FBXO32: variants seen among roughly 807,000 people sequenced by gnomAD.
The protein encoded by FBXO32 is F-box only protein 32.
In FBXO32, 15 loss-of-function variants were observed where a neutral mutation model predicts 48.3. The ratio of observed to expected loss-of-function variants is 0.31; its 90% CI spans 0.21 to 0.48. The LOEUF (loss-of-function observed/expected upper bound fraction) is 0.48, where lower values mean the gene tolerates loss of function less well. Among genes scored for constraint, FBXO32 ranks in the 20% least tolerant of loss-of-function variants. The pLI, the probability that FBXO32 is intolerant of heterozygous loss-of-function variation, is 0.99. For synonymous variants in FBXO32, 154 were observed against 165.9 expected (o/e 0.93, Z 0.55); for missense variants, 309 against 432.7 (o/e 0.71, Z 2.54).
chr8:123,536,519 A>C (rs1817312824), intron 1 of FBXO32, among the ~76,000 whole-genome samples: 1 of 152,222 alleles, frequency 6.6e-6, no homozygotes, highest in South Asian at 2.1e-4. Context: ...ATCAACGTTG[A>C]GAAAAACAGC....
Position 123,506,530 on chromosome 8 carries a change from T to C in FBXO32, c.696A>G (p.Leu232=). The C allele has an allele frequency of 1.2e-6, 2 of 1,611,464 alleles. No individual in the cohort carries two copies. Among genetic ancestry groups the C allele is most frequent in the Non-Finnish European group, 1.7e-6 (2 of 1,178,140 alleles). Residue 232 remains leucine (L), a synonymous_variant, in exon 7 of 9, where the codon CTA becomes CTG. Transcript: ENST00000517956. This position sits in a 1 kb window ranked among gnomAD's most constrained non-coding sequence, Gnocchi z 4.0. ...GLTFTDLPLC[L]QLNIMQRLSD... is the part of the protein sequence containing the mutation. ...TCAGCCTCTGCATGATGTTCAGTTGTAGGCACAAAGGCAGGTCAGTGAAGG... is the reference window on the plus strand; with the variant it reads ...TCAGCCTCTGCATGATGTTCAGTTGCAGGCACAAAGGCAGGTCAGTGAAGG...
chr8:123,505,184 C>T (rs1168853361), intron 7 of FBXO32, among the ~76,000 whole-genome samples: 1 of 152,162 alleles, frequency 6.6e-6, no homozygotes, highest in African/African-American at 2.4e-5. Flanking sequence ...ACTTGTTGAA[C>T]TCACACATCC....
At position 123,540,914 on chromosome 8, in the gene FBXO32, A is replaced by G. The variant is rs375549993; in HGVS notation, c.101T>C (p.Val34Ala). ...GTCCCCTCACCTGCTGAGGTCGCTC[A>G]CGAAACTGCCGCTCTTCTCATCCAG... is the stretch of plus-strand genomic sequence containing the variant. The part of the protein sequence containing the change: ...RFLDEKSGSF[V>A]SDLSSYCNKE... The change falls in exon 1 of 9, where the codon GTG becomes GCG. Residue 34 changes from valine (V) to alanine (A), a missense_variant. Transcript: ENST00000517956. This position sits in a 1 kb window ranked among gnomAD's most constrained non-coding sequence, Gnocchi z 6.4. The G allele has an allele frequency of 1.1e-5, 17 of 1,613,236 alleles. No homozygotes were observed. The highest frequency in any genetic ancestry group is 1.4e-5 in the Non-Finnish European group (17 of 1,179,654).
At chr8:123,536,964 C>T (rs1246266727) in intron 1 of FBXO32, among the ~76,000 whole-genome samples, 6 of 152,072 alleles carry the variant, frequency 3.9e-5, no homozygotes, top group Non-Finnish European at 8.8e-5. Context: ...GTTCTCTCAC[C>T]GTAGAATGTA....
intron 1 of FBXO32, among the ~76,000 whole-genome samples, chr8:123,538,659 A>G (rs1192895892): frequency 2.0e-5 from 3 of 152,200 alleles, no homozygotes; most frequent in African/African-American, 7.2e-5. Flanking sequence ...AATACCCTGC[A>G]AACAAACAGC....
intron 4 of FBXO32, among the ~76,000 whole-genome samples, chr8:123,529,828 T>C (rs1325667127): frequency 6.6e-6 from 1 of 152,256 alleles, no homozygotes; most frequent in African/African-American, 2.4e-5. Flanking sequence ...ATGATGCTTG[T>C]TCCTTGCTTT....
At chr8:123,523,989 G>A (rs926907623) in intron 4 of FBXO32, among the ~76,000 whole-genome samples, 18 of 152,194 alleles carry the variant, frequency 1.2e-4, no homozygotes, top group Admixed American at 1.1e-3. Flanking sequence ...CTGCAGGGTA[G>A]ACATCATTAC....
At chr8:123,514,358 A>G in intron 4 of FBXO32, 25 bp from the exon 5 acceptor site, 1 of 1,588,670 alleles carries the variant, frequency 6.3e-7, no homozygotes, top group Non-Finnish European at 8.6e-7. Flanking sequence ...AGAAGTTGCC[A>G]GGCTTAGAGT....
intron 1 of FBXO32, among the ~76,000 whole-genome samples, chr8:123,535,998 A>G (rs1217172839): frequency 6.6e-6 from 1 of 152,198 alleles, no homozygotes; most frequent in Non-Finnish European, 1.5e-5. Context: ...AAATGGTAGA[A>G]GAGAAAAGAT....
intron 4 of FBXO32, among the ~76,000 whole-genome samples, chr8:123,521,633 G>A (rs1816957809): frequency 6.6e-6 from 1 of 152,174 alleles, no homozygotes; most frequent in Non-Finnish European, 1.5e-5. Context: ...CAAGGCTGCT[G>A]CCTAAGCATG....
chr8:123,517,700 G>A (rs1816868224), intron 4 of FBXO32, among the ~76,000 whole-genome samples: 1 of 152,126 alleles, frequency 6.6e-6, no homozygotes, highest in South Asian at 2.1e-4. Flanking sequence ...TCAGCCTAGA[G>A]TGTAAGTCAT....
At chr8:123,529,557 T>C (rs755387765) in intron 4 of FBXO32, among the ~76,000 whole-genome samples, 1 of 152,204 alleles carries the variant, frequency 6.6e-6, no homozygotes, top group Non-Finnish European at 1.5e-5. Context: ...TTGAAATCAG[T>C]GGAGCTAGGA....
At chr8:123,519,651 C>T (rs1816911277) in intron 4 of FBXO32, among the ~76,000 whole-genome samples, 1 of 151,946 alleles carries the variant, frequency 6.6e-6, no homozygotes, top group African/African-American at 2.4e-5. Context: ...GTGCTACCAG[C>T]ACATTTAGGA....
At chr8:123,503,530 C>A in intron 8 of FBXO32, 68 bp from the exon 9 acceptor site, 1 of 1,234,138 alleles carries the variant, frequency 8.1e-7, no homozygotes, top group South Asian at 1.3e-5. Flanking sequence ...CACCATAAGG[C>A]ATTTTCCAAC....
intron 4 of FBXO32, among the ~76,000 whole-genome samples, chr8:123,531,067 C>T (rs1001185399): frequency 2.7e-5 from 4 of 149,324 alleles, no homozygotes; most frequent in Non-Finnish European, 4.4e-5. Flanking sequence ...GCAATGTCTG[C>T]CTCCCGGGTT....
chr8:123,541,053 C>A lies in FBXO32; in HGVS notation c.-39G>T, dbSNP rs1367609260. ...GACTAGACGGATGGGGAGACGGGGC[C>A]GGCCTGGTGGGCTCGGGGACGTGCC... On this transcript the variant is annotated 5_prime_UTR_variant, in exon 1 of 9. Coordinates refer to ENST00000517956, the MANE Select transcript of FBXO32 (RefSeq NM_058229.4). The A allele has an allele frequency of 1.4e-6, 2 of 1,430,140 alleles. No individual in the cohort carries two copies. The highest frequency in any genetic ancestry group is 1.9e-6 in the Non-Finnish European group (2 of 1,048,110). 88.6% of individuals were successfully genotyped at this position (1,430,140 alleles called of 1,614,324 possible).
At chr8:123,514,518 A>G (rs934142798) in intron 4 of FBXO32, among the ~76,000 whole-genome samples, 185 bp from the exon 5 acceptor site, 2 of 152,254 alleles carry the variant, frequency 1.3e-5, no homozygotes, top group African/African-American at 4.8e-5. Flanking sequence ...TTCAAAACCC[A>G]GGATTGGGTT....
chr8:123,534,594 A>G, intron 2 of FBXO32, 108 bp downstream of exon 2: 1 of 652,468 alleles, frequency 1.5e-6, no homozygotes, highest in South Asian at 2.0e-5. Context: ...ACACAGTAAA[A>G]CACTGAGGCA....
intron 2 of FBXO32, among the ~76,000 whole-genome samples, chr8:123,534,246 T>C (rs1475748260): frequency 6.6e-6 from 1 of 151,414 alleles, no homozygotes; most frequent in Non-Finnish European, 1.5e-5. Flanking sequence ...ACAGATAAAA[T>C]AACCTGTAAT....
Sources: allele counts gnomAD v4.1 joint callset (sites outside exome capture counted in the v4.1 genomes callset), GRCh38; gene constraint gnomAD v4.1.1; non-coding constraint Gnocchi (gnomAD v3.1); transcripts MANE v1.5; gene names NCBI Gene and HGNC (gene_info 2026-07-23, HGNC 2026-07-21).